H3-3A: variants seen among roughly 807,000 people sequenced by gnomAD.
The protein encoded by H3-3A is H3.3 histone A.
For synonymous variants in H3-3A, 49 were observed against 61.4 expected, an observed-to-expected ratio of 0.80 and a Z score of 0.95; for missense variants, 7 against 184.0, an observed-to-expected ratio of 0.04 and a Z score of 5.57.
intron 2 of H3-3A, among the ~76,000 whole-genome samples, chr1:226,064,930 T>TA (rs1288233150): frequency 1.3e-5 from 2 of 152,210 alleles, no homozygotes; most frequent in East Asian, 3.8e-4. Flanking sequence ...CCTTCTGTAT[T>TA]AGCTCTTTTG....
In H3-3A at chr1:226,071,581, T is replaced by C. The variant is rs1658131159; in HGVS notation, c.*102T>C. Reference sequence around the variant, plus strand: ...CTGAACGTTAGATATTTTTTTTCCATGGGGTCAAAAGGTACCTAAGTATAT... The same window carrying C: ...CTGAACGTTAGATATTTTTTTTCCACGGGGTCAAAAGGTACCTAAGTATAT... On this transcript the variant is annotated 3_prime_UTR_variant, in exon 4 of 4. Coordinates refer to ENST00000366815, the MANE Select transcript of H3-3A (RefSeq NM_002107.7). 1.8e-6 allele frequency: 1 copy of C among 558,696 alleles called. No individual in the cohort carries two copies. The highest frequency in any genetic ancestry group is 3.1e-6 in the Non-Finnish European group (1 of 323,306). 34.6% of individuals were successfully genotyped at this position (558,696 alleles called of 1,614,324 possible).
intron 2 of H3-3A, among the ~76,000 whole-genome samples, chr1:226,064,947 A>T (rs1657875454): frequency 6.6e-6 from 1 of 152,164 alleles, no homozygotes; most frequent in Admixed American, 6.5e-5. Flanking sequence ...TTTGATTGTG[A>T]ACTACCTGAG....
At chr1:226,063,917 G>C (rs1424375726) in intron 1 of H3-3A, 1 of 130,412 alleles carries the variant, frequency 7.7e-6, no homozygotes, top group Non-Finnish European at 1.6e-5. Flanking sequence ...GCCAAAGTGG[G>C]GGGGAGTAAG....
intron 3 of H3-3A, among the ~76,000 whole-genome samples, chr1:226,068,431 TTTAC>T (rs1657994748): frequency 1.3e-5 from 2 of 152,218 alleles, no homozygotes; most frequent in African/African-American, 4.8e-5. Flanking sequence ...TGTACCACAT[TTTAC>T]AAAAGCATTC....
intron 3 of H3-3A, among the ~76,000 whole-genome samples, chr1:226,068,061 A>G (rs1657983985): frequency 1.3e-5 from 2 of 152,250 alleles, no homozygotes; most frequent in African/African-American, 4.8e-5. Flanking sequence ...TATACTCAAA[A>G]TGTCCTAAAC....
At chr1:226,069,929 A>G (rs780172497) in intron 3 of H3-3A, among the ~76,000 whole-genome samples, 3 of 152,228 alleles carry the variant, frequency 2.0e-5, no homozygotes, top group Non-Finnish European at 2.9e-5. Flanking sequence ...AATTTGAGTT[A>G]TGAGTTAATT....
rs61835218 is a variant in H3-3A, at chr1:226,065,014, C to T, written c.128+535C>T. 2.0e-5 allele frequency among the ~76,000 whole-genome samples: 3 copies of T among 152,168 alleles called. No individual in the cohort carries two copies. The East Asian group carries it at 5.8e-4, about 29-fold the overall frequency. ...AGGGCAGAAGTTGCCTAGACTTAGC[C>T]TCCGCAAATATTACGATTAACCTAA... is the stretch of plus-strand genomic sequence containing the variant. On this transcript the variant is annotated intron_variant, in intron 2 of 3. Transcript: ENST00000366815.
chr1:226,069,221 A>G (rs1314199099), intron 3 of H3-3A, among the ~76,000 whole-genome samples: 1 of 151,860 alleles, frequency 6.6e-6, no homozygotes, highest in African/African-American at 2.4e-5. Context: ...TACTTTTTGT[A>G]TTTTTAGTAG....
chr1:226,064,432 C>G lies in H3-3A; in HGVS notation c.81C>G (p.Arg27=). The G allele has an allele frequency of 1.2e-6, 2 of 1,612,664 alleles. No individual in the cohort carries two copies. The highest frequency in any genetic ancestry group is 1.7e-6 in the Non-Finnish European group (2 of 1,178,872). The stretch of plus-strand genomic sequence containing the variant: ...AGCAACTGGCTACAAAAGCCGCTCG[C>G]AAGAGTGCGCCCTCTACTGGAGGGG... ...PRKQLATKAA[R]KSAPSTGGVK... Residue 27 remains arginine (R), a synonymous_variant, in exon 2 of 4, where the codon CGC becomes CGG. Transcript: ENST00000366815.
intron 2 of H3-3A, among the ~76,000 whole-genome samples, chr1:226,064,835 C>A (rs554406744): frequency 6.6e-6 from 1 of 152,194 alleles, no homozygotes; most frequent in African/African-American, 2.4e-5. Context: ...GGTTATCTTT[C>A]CTAGTTTTTG....
intron 3 of H3-3A, chr1:226,066,026 T>C (rs1347961325): frequency 1.7e-6 from 1 of 592,140 alleles, no homozygotes; most frequent in Non-Finnish European, 3.1e-6. Flanking sequence ...CTCCAAGGCT[T>C]AGTGCACATT....
At chr1:226,066,099 G>C in intron 3 of H3-3A, 1 of 497,580 alleles carries the variant, frequency 2.0e-6, no homozygotes, top group Non-Finnish European at 3.6e-6. Context: ...AAAATCCTCT[G>C]GTTTGGTTTA....
At chr1:226,064,290 A>G (rs1657847780) in intron 1 of H3-3A, 39 bp from the exon 2 acceptor site, 2 of 1,449,258 alleles carry the variant, frequency 1.4e-6, no homozygotes, top group African/African-American at 2.8e-5. Context: ...TATGTTTGGT[A>G]GTTGCATATG....
At chr1:226,068,266 G>A (rs1657990614) in intron 3 of H3-3A, among the ~76,000 whole-genome samples, 1 of 152,150 alleles carries the variant, frequency 6.6e-6, no homozygotes, top group Non-Finnish European at 1.5e-5. Flanking sequence ...TCCTCTCAGA[G>A]CTGACCAGAC....
chr1:226,063,226 C>G (rs6672433), intron 1 of H3-3A, among the ~76,000 whole-genome samples: 5,977 of 152,240 alleles, frequency 0.039, 183 homozygotes, highest in African/African-American at 0.079. Flanking sequence ...GCTTCGCACC[C>G]TGGGGTAACT....
intron 2 of H3-3A, among the ~76,000 whole-genome samples, chr1:226,065,055 A>G (rs550151082): frequency 2.0e-5 from 3 of 152,242 alleles, no homozygotes; most frequent in African/African-American, 7.2e-5. Context: ...AAGCTCATAC[A>G]GTGGAAGAAA....
chr1:226,068,027 A>G (rs2102739115), intron 3 of H3-3A, among the ~76,000 whole-genome samples: 1 of 152,328 alleles, frequency 6.6e-6, no homozygotes, highest in South Asian at 2.1e-4. Flanking sequence ...GTTGCTTTGA[A>G]ATGGTAAAGA....
intron 3 of H3-3A, 71 bp downstream of exon 3, chr1:226,065,880 C>T (rs1436285428): frequency 8.8e-7 from 1 of 1,139,806 alleles, no homozygotes; most frequent in African/African-American, 1.5e-5. Flanking sequence ...CAAATTGTTG[C>T]ATGTGCTTAT....
At chr1:226,067,002 C>T (rs1357701601) in intron 3 of H3-3A, 3 of 152,142 alleles carry the variant, frequency 2.0e-5, no homozygotes, top group Admixed American at 2.0e-4. Context: ...CATGTTTTTA[C>T]TTAAAACTTT....
Sources: allele counts gnomAD v4.1 joint callset (sites outside exome capture counted in the v4.1 genomes callset), GRCh38; gene constraint gnomAD v4.1.1; transcripts MANE v1.5; gene names NCBI Gene and HGNC (gene_info 2026-07-23, HGNC 2026-07-21).